PRKCB: variants seen among roughly 807,000 people sequenced by gnomAD.
The protein encoded by PRKCB is protein kinase C beta.
Under a neutral mutation model 81.5 loss-of-function variants are expected in PRKCB, and 13 were observed. That is an observed-to-expected ratio of 0.16 (90% CI 0.10 to 0.25). The LOEUF is 0.25. PRKCB is among the 10% of genes least tolerant of loss of function. The pLI is 1.00. For synonymous variants in PRKCB, 335 were observed against 321.4 expected, an observed-to-expected ratio of 1.04 and a Z score of -0.45; for missense variants, 509 against 875.7, an observed-to-expected ratio of 0.58 and a Z score of 5.29.
rs572572408 is a variant in PRKCB, at chr16:23,903,088, C to T, written c.205+65682C>T. On this transcript the variant is annotated intron_variant, in intron 2 of 16. Transcript: ENST00000643927. ...CTCAGGAGCCCTCCTGCTTCAGCCT[C>T]CCCAAGTTCTGGGATTACAGGTGTG... Among the ~76,000 whole-genome samples the T allele has an allele frequency of 5.3e-5, 8 of 150,736 alleles. 1 individual carries two copies. In the South Asian group the frequency reaches 1.7e-3, roughly 32 times the overall value.
chr16:24,103,828 G>A (rs78583866), intron 7 of PRKCB, among the ~76,000 whole-genome samples: 2,487 of 151,370 alleles, frequency 0.016, 61 homozygotes, highest in African/African-American at 0.055. Flanking sequence ...TTTCTGAGGC[G>A]GTGTTTCACT....
chr16:23,914,234 C>T (rs1963704925), intron 2 of PRKCB, among the ~76,000 whole-genome samples: 1 of 152,158 alleles, frequency 6.6e-6, no homozygotes, highest in African/African-American at 2.4e-5. Context: ...GGGCTCATGT[C>T]AAACTCCTGG....
intron 2 of PRKCB, among the ~76,000 whole-genome samples, chr16:23,912,402 G>A (rs1352720728): frequency 6.6e-6 from 1 of 151,404 alleles, no homozygotes; most frequent in Non-Finnish European, 1.5e-5. Flanking sequence ...CTGTTCTACT[G>A]AATCTTGGTC....
intron 2 of PRKCB, among the ~76,000 whole-genome samples, chr16:23,950,439 A>G (rs1329672810): frequency 6.6e-6 from 1 of 152,202 alleles, no homozygotes; most frequent in East Asian, 1.9e-4. Flanking sequence ...GGCCAGCTAA[A>G]AGCTAAGCAG....
rs928078337 is a variant in PRKCB at position 24,220,421 on chromosome 16, T to G, written c.*5605T>G. 4.8e-6 allele frequency: 1 copy of G among 207,098 alleles called. No homozygotes were observed. Among genetic ancestry groups the G allele is most frequent in the Non-Finnish European group, 9.6e-6 (1 of 103,890 alleles). The allele number at this position is 207,098 out of a possible 1,614,324, so 12.8% of individuals were successfully genotyped here. ...ACCAAAATGCTTCAGTATTTGTAAT[T>G]TTTCAAGTCAGAAGCTGATGTTCCT... On this transcript the variant is annotated 3_prime_UTR_variant, in exon 17 of 17. Coordinates refer to ENST00000643927, the MANE Select transcript of PRKCB (RefSeq NM_002738.7).
At chr16:23,873,441 G>A (rs913723985) in intron 2 of PRKCB, among the ~76,000 whole-genome samples, 7 of 152,062 alleles carry the variant, frequency 4.6e-5, no homozygotes, top group Non-Finnish European at 8.8e-5. Context: ...GCAGCTGTGC[G>A]ATTTCAGCTT....
chr16:24,101,398 G>A (rs1390626903), intron 7 of PRKCB, among the ~76,000 whole-genome samples: 3 of 152,142 alleles, frequency 2.0e-5, no homozygotes, highest in Non-Finnish European at 4.4e-5. Context: ...ATTTAGCCAG[G>A]CATGGCGGCA....
intron 2 of PRKCB, among the ~76,000 whole-genome samples, chr16:23,872,333 C>T (rs28405737): frequency 0.19 from 29,502 of 152,148 alleles, 3,094 homozygotes; most frequent in Middle Eastern, 0.31. Flanking sequence ...GTCTGGGCAA[C>T]ATAGCAAGAC....
In PRKCB at chr16:24,088,563, C is replaced by T. The variant is rs142933615; in HGVS notation, c.530-4228C>T. Among the ~76,000 whole-genome samples the T allele has an allele frequency of 4.5e-4, 68 of 152,052 alleles. 1 individual carries two copies. The highest frequency in any genetic ancestry group is 7.1e-4 in the Non-Finnish European group (48 of 67,968). Reference sequence around the variant, plus strand: ...GTAACATAGTGAGACTCCATCTCTACAAAAATTTTTTAAAAGTTAGCTGGA... The same window carrying T: ...GTAACATAGTGAGACTCCATCTCTATAAAAATTTTTTAAAAGTTAGCTGGA... On this transcript the variant is annotated intron_variant, in intron 5 of 16. Coordinates refer to ENST00000643927, the MANE Select transcript of PRKCB (RefSeq NM_002738.7).
At chr16:24,213,793 A>G (rs2141995273) in intron 16 of PRKCB, among the ~76,000 whole-genome samples, 1 of 152,378 alleles carries the variant, frequency 6.6e-6, no homozygotes, top group African/African-American at 2.4e-5. Context: ...CCATGCATGC[A>G]TGCACACATT....
rs1210607720 is a variant in PRKCB at position 23,933,959 on chromosome 16, C to T, written c.206-54549C>T. Among the ~76,000 whole-genome samples, 3 of 90,648 alleles carry T rather than the reference C, an allele frequency of 3.3e-5. No homozygotes were observed. The Admixed American group carries it at 3.8e-4, about 12-fold the overall frequency. The allele number at this position is 90,648 out of a possible 152,430, so 59.5% of individuals were successfully genotyped here. On this transcript the variant is annotated intron_variant, in intron 2 of 16. Transcript: ENST00000643927. The stretch of plus-strand genomic sequence containing the variant: ...TCCATCCATCCATCCATCCACCTAC[C>T]TCATCCATCCATCCATCCATCCATC...
At chr16:24,050,102 C>T (rs935322215) in intron 5 of PRKCB, among the ~76,000 whole-genome samples, 3 of 152,052 alleles carry the variant, frequency 2.0e-5, no homozygotes, top group East Asian at 1.9e-4. Flanking sequence ...CTGGTTTCAC[C>T]CTTGGGTAAC....
Position 24,214,136 on chromosome 16 carries a change from G to A in PRKCB, c.1864-522G>A, listed in dbSNP as rs553699043. On this transcript the variant is annotated intron_variant, in intron 16 of 16. Coordinates refer to ENST00000643927, the MANE Select transcript of PRKCB (RefSeq NM_002738.7). ...GGCTGGAGTTTATAAATTGTATTCT[G>A]TTGAGTTGGAAAACATCCACTGCTC... 6.6e-4 allele frequency among the ~76,000 whole-genome samples: 100 copies of A among 152,316 alleles called. 1 individual carries two copies. Among genetic ancestry groups the A allele is most frequent in the Non-Finnish European group, 1.4e-3 (93 of 68,020 alleles).
intron 12 of PRKCB, among the ~76,000 whole-genome samples, chr16:24,175,971 C>CAAAAAAAA (rs34578906): frequency 2.0e-5 from 1 of 49,868 alleles, no homozygotes; most frequent in East Asian, 6.1e-4. Flanking sequence ...GACCCTGTCT[C>CAAAAAAAA]AAAAAAAAAA....
intron 5 of PRKCB, among the ~76,000 whole-genome samples, chr16:24,081,313 AAG>A (rs1966246883): frequency 6.6e-6 from 1 of 151,880 alleles, no homozygotes; most frequent in Non-Finnish European, 1.5e-5. Context: ...AATCTAAAGA[AAG>A]AAAAAAAATT....
chr16:24,097,104 T>C (rs1311169986), intron 7 of PRKCB, among the ~76,000 whole-genome samples: 1 of 144,426 alleles, frequency 6.9e-6, no homozygotes, highest in Non-Finnish European at 1.5e-5. Flanking sequence ...TGGTGTGATC[T>C]CGGCTCACTG....
chr16:24,199,956 G>A, intron 16 of PRKCB, among the ~76,000 whole-genome samples: 1 of 152,204 alleles, frequency 6.6e-6, no homozygotes, highest in East Asian at 1.9e-4. Context: ...CCATCGAATG[G>A]TGTCTGTTAC....
Position 24,214,829 on chromosome 16 carries a change from A to G in PRKCB, c.*13A>G. On this transcript the variant is annotated 3_prime_UTR_variant, in exon 17 of 17. Transcript: ENST00000643927. ...AGTCAAGAGCTAAGTAGATGTGTAGATCTCCGTCCTTCATTTCTGTCATTC... is the reference window on the plus strand; with the variant it reads ...AGTCAAGAGCTAAGTAGATGTGTAGGTCTCCGTCCTTCATTTCTGTCATTC... The G allele has an allele frequency of 6.2e-7, 1 of 1,611,084 alleles. No individual in the cohort carries two copies. Among genetic ancestry groups the G allele is most frequent in the East Asian group, 2.2e-5 (1 of 44,828 alleles).
chr16:23,856,726 T>A (rs1424484839), intron 2 of PRKCB, among the ~76,000 whole-genome samples: 1 of 152,188 alleles, frequency 6.6e-6, no homozygotes, highest in Non-Finnish European at 1.5e-5. Flanking sequence ...GGTCTCCCTA[T>A]GTTGCTCGGG....
Sources: allele counts gnomAD v4.1 joint callset (sites outside exome capture counted in the v4.1 genomes callset), GRCh38; gene constraint gnomAD v4.1.1; transcripts MANE v1.5; gene names NCBI Gene and HGNC (gene_info 2026-07-23, HGNC 2026-07-21).